The following ERICH6 variants were observed in gnomAD, a reference collection of about 807,000 sequenced individuals.
ERICH6 encodes glutamate-rich protein 6.
In ERICH6, 71 loss-of-function variants were observed where a neutral mutation model predicts 71.0. That is an observed-to-expected ratio of 1.00 (90% CI 0.83 to 1.22). The LOEUF is 1.22. ERICH6 is among the 50% of genes most tolerant of loss of function. The pLI, the probability that ERICH6 is intolerant of heterozygous loss-of-function variation, is 0.00. For missense variants in ERICH6, 808 were observed against 797.2 expected (o/e 1.01, Z -0.16); for synonymous variants, 262 against 278.4 (o/e 0.94, Z 0.59).
intron 2 of ERICH6, 77 bp downstream of exon 2, chr3:150,702,044 C>G (rs1559923203): frequency 9.9e-7 from 1 of 1,007,876 alleles, no homozygotes; most frequent in Non-Finnish European, 1.5e-6. Context: ...TTATTTTACT[C>G]TACTTCCTAA....
rs1377217184 is a variant in ERICH6, at chr3:150,660,160, T to C, written c.1729-5A>G. The C allele has an allele frequency of 2.4e-5, 38 of 1,608,156 alleles. No individual in the cohort carries two copies. The highest frequency in any genetic ancestry group is 3.2e-5 in the Non-Finnish European group (38 of 1,176,322). Reference sequence around the variant, plus strand: ...AATCTCCTCAGGGTTTGGTAGCTTTTCAGCAAAGAGAAAGAGAAGGAAACT... The same window carrying C: ...AATCTCCTCAGGGTTTGGTAGCTTTCCAGCAAAGAGAAAGAGAAGGAAACT... On this transcript the variant is annotated splice_polypyrimidine_tract_variant and splice_region_variant and intron_variant, in intron 13 of 13. Coordinates refer to ENST00000295910, the MANE Select transcript of ERICH6 (RefSeq NM_152394.5).
At position 150,660,167 on chromosome 3, in the gene ERICH6, A is replaced by G; in HGVS notation, c.1729-12T>C. ...TCAGGGTTTGGTAGCTTTTCAGCAA[A>G]GAGAAAGAGAAGGAAACTCAGAGTC... On this transcript the variant is annotated splice_polypyrimidine_tract_variant and intron_variant, in intron 13 of 13. Transcript: ENST00000295910. 3 of 1,606,532 alleles carry G rather than the reference A, an allele frequency of 1.9e-6. No individual in the cohort carries two copies. Among genetic ancestry groups the G allele is most frequent in the Non-Finnish European group, 2.6e-6 (3 of 1,175,614 alleles).
chr3:150,688,235 C>A (rs1021298925), intron 3 of ERICH6, among the ~76,000 whole-genome samples: 10 of 152,224 alleles, frequency 6.6e-5, no homozygotes, highest in Admixed American at 2.6e-4. Flanking sequence ...AGGCATCTTT[C>A]TCTATAGAAA....
chr3:150,697,895 T>C (rs1336813592), intron 3 of ERICH6, among the ~76,000 whole-genome samples: 1 of 152,234 alleles, frequency 6.6e-6, no homozygotes, highest in Non-Finnish European at 1.5e-5. Context: ...TTCTCCTCCC[T>C]GCTTACTCCA....
chr3:150,678,670 A>G (rs1711758861), intron 9 of ERICH6, 116 bp from the exon 10 acceptor site: 1 of 793,214 alleles, frequency 1.3e-6, no homozygotes, highest in African/African-American at 1.9e-5. Context: ...AGACATTTTT[A>G]TATTCAAATT....
intron 7 of ERICH6, 77 bp from the exon 8 acceptor site, chr3:150,681,007 G>A: frequency 1.4e-6 from 2 of 1,423,430 alleles, no homozygotes; most frequent in South Asian, 1.7e-5. Context: ...TGACTAACAA[G>A]GTTTGGATAA....
At chr3:150,682,142 G>T in intron 7 of ERICH6, 76 bp downstream of exon 7, 1 of 1,269,346 alleles carries the variant, frequency 7.9e-7, no homozygotes, top group Non-Finnish European at 1.1e-6. Flanking sequence ...GCAATGCAGG[G>T]GAAAGATGCA....
At chr3:150,665,521 A>AAAAAAT (rs1179005544) in intron 13 of ERICH6, among the ~76,000 whole-genome samples, 4 of 150,172 alleles carry the variant, frequency 2.7e-5, no homozygotes, top group African/African-American at 9.8e-5. Context: ...ATCTCAAAAA[A>AAAAAAT]AAAAAAAAAA....
intron 13 of ERICH6, among the ~76,000 whole-genome samples, chr3:150,660,543 C>T (rs894165565): frequency 4.6e-5 from 7 of 152,212 alleles, no homozygotes; most frequent in African/African-American, 9.6e-5. Flanking sequence ...GGCAATTTTC[C>T]GCAGAGAAGG....
At position 150,703,488 on chromosome 3, in the gene ERICH6, G is replaced by T; in HGVS notation, c.403+8C>A. ...ACCCTCGAGGAAGGGGTGGGTCGGG[G>T]GCGGTACTTTTATGCGAGGAGGTGC... On this transcript the variant is annotated splice_region_variant and intron_variant, in intron 1 of 13. Transcript: ENST00000295910. 1 of 1,577,982 alleles carries T rather than the reference G, an allele frequency of 6.3e-7. No homozygotes were observed. The highest frequency in any genetic ancestry group is 1.7e-5 in the Admixed American group (1 of 58,134).
At chr3:150,679,276 T>A (rs1711800045) in intron 9 of ERICH6, among the ~76,000 whole-genome samples, 1 of 152,234 alleles carries the variant, frequency 6.6e-6, no homozygotes, top group East Asian at 1.9e-4. Flanking sequence ...TGGTGTTTGG[T>A]TACATGAATA....
intron 10 of ERICH6, among the ~76,000 whole-genome samples, chr3:150,677,446 A>T (rs938007897): frequency 1.3e-5 from 2 of 152,174 alleles, no homozygotes; most frequent in South Asian, 4.1e-4. Flanking sequence ...TACATGATAA[A>T]TTATATAGCT....
Position 150,680,770 on chromosome 3 carries a change from T to A in ERICH6, c.1040+3A>T. The A allele has an allele frequency of 3.1e-6, 5 of 1,598,218 alleles. No individual in the cohort carries two copies. The highest frequency in any genetic ancestry group is 4.3e-6 in the Non-Finnish European group (5 of 1,175,742). ...AGTTTCAGTATCGAAGTCTCAATGTTACCTTTGCAGGGCTTTTTCTTTTGC... is the reference window on the plus strand; with the variant it reads ...AGTTTCAGTATCGAAGTCTCAATGTAACCTTTGCAGGGCTTTTTCTTTTGC... On this transcript the variant is annotated splice_donor_region_variant and intron_variant, in intron 8 of 13. Transcript: ENST00000295910.
At chr3:150,681,049 G>T in intron 7 of ERICH6, 119 bp from the exon 8 acceptor site, 1 of 1,020,600 alleles carries the variant, frequency 9.8e-7, no homozygotes, top group Non-Finnish European at 1.4e-6. Flanking sequence ...TCTGGTAATA[G>T]CTTTATTAAG....
chr3:150,695,616 C>T (rs1005596236), intron 3 of ERICH6, among the ~76,000 whole-genome samples: 5 of 151,988 alleles, frequency 3.3e-5, no homozygotes, highest in South Asian at 2.1e-4. Context: ...TACAGTGGGC[C>T]GAGATCGCGC....
chr3:150,661,019 CT>C lies in ERICH6; in HGVS notation c.1729-865del, dbSNP rs1559907450. On this transcript the variant is annotated intron_variant, in intron 13 of 13. Transcript: ENST00000295910. ...CCAAATATCACACCATGACAGAAAA[CT>C]TTTTTACAGATTAAGTCAATGATGG... 3.3e-5 allele frequency among the ~76,000 whole-genome samples: 5 copies of C among 152,206 alleles called. No homozygotes were observed. In the South Asian group the frequency reaches 6.2e-4, roughly 19 times the overall value.
At chr3:150,660,480 TAGGGTG>T (rs982889160) in intron 13 of ERICH6, among the ~76,000 whole-genome samples, 41 of 151,694 alleles carry the variant, frequency 2.7e-4, no homozygotes, top group Non-Finnish European at 5.9e-5. Context: ...GTGGGGGAGG[TAGGGTG>T]AGTGCTGGTC....
intron 3 of ERICH6, among the ~76,000 whole-genome samples, chr3:150,697,210 T>C (rs1457388042): frequency 6.6e-6 from 1 of 151,730 alleles, no homozygotes; most frequent in East Asian, 1.9e-4. Context: ...TACACTTTTA[T>C]ATGGATACAA....
Position 150,666,957 on chromosome 3 carries a change from C to T in ERICH6, c.1558G>A (p.Ala520Thr), listed in dbSNP as rs1240966345. 1.2e-6 allele frequency: 2 copies of T among 1,614,070 alleles called. No homozygotes were observed. Among genetic ancestry groups the T allele is most frequent in the African/African-American group, 1.3e-5 (1 of 75,002 alleles). The change falls in exon 13 of 14, where the codon GCT becomes ACT. Residue 520 changes from alanine (A) to threonine (T), a missense_variant. Ala to Thr is a moderately conservative substitution (Grantham distance 58). Coordinates refer to ENST00000295910, the MANE Select transcript of ERICH6 (RefSeq NM_152394.5). ...YSDQAGNRIR[A>T]WNWSNSITSS... ...GTGATGGAATTTGACCAATTCCAAGCCCTTATTCTGTTGCCGGCTTGATCT... is the reference window on the plus strand; with the variant it reads ...GTGATGGAATTTGACCAATTCCAAGTCCTTATTCTGTTGCCGGCTTGATCT...
Sources: gnomAD v4.1 joint callset for allele counts (sites outside exome capture counted in the v4.1 genomes callset) on GRCh38, gnomAD v4.1.1 for gene constraint, MANE v1.5 for transcripts, NCBI Gene and HGNC (gene_info 2026-07-23, HGNC 2026-07-21) for gene names.